Variants in NEGR1 observed in about 807,000 individuals in gnomAD.
The protein encoded by NEGR1 is IgLON family member 4.
A neutral mutation model predicts 40.9 loss-of-function variants in NEGR1; 10 were observed. The ratio of observed to expected loss-of-function variants is 0.24; its 90% CI spans 0.15 to 0.42. The LOEUF is 0.42. Ranked by LOEUF, NEGR1 falls within the 10% of genes least tolerant of loss-of-function variation. The pLI is 1.00. For missense variants in NEGR1, 352 were observed against 438.9 expected (o/e 0.80, Z 1.77); for synonymous variants, 185 against 166.8 (o/e 1.11, Z -0.84).
intron 2 of NEGR1, among the ~76,000 whole-genome samples, chr1:71,819,389 G>C (rs1204232010): frequency 6.6e-6 from 1 of 151,902 alleles, no homozygotes; most frequent in Non-Finnish European, 1.5e-5. Flanking sequence ...AGACCAAATA[G>C]AACAGTAATC....
chr1:71,982,166 A>G (rs1404542543), intron 1 of NEGR1, among the ~76,000 whole-genome samples: 1 of 152,182 alleles, frequency 6.6e-6, no homozygotes, highest in Non-Finnish European at 1.5e-5. Flanking sequence ...TCAAAAAAGG[A>G]AATCTCTCTT....
chr1:71,971,265 A>C (rs1646253987), intron 1 of NEGR1, among the ~76,000 whole-genome samples: 1 of 152,172 alleles, frequency 6.6e-6, no homozygotes, highest in Non-Finnish European at 1.5e-5. Context: ...GAACTTCAAG[A>C]GAACATTTAA....
intron 4 of NEGR1, among the ~76,000 whole-genome samples, chr1:71,683,959 C>G (rs545917457): frequency 6.6e-6 from 1 of 152,184 alleles, no homozygotes; most frequent in African/African-American, 2.4e-5. Flanking sequence ...ACAATGTTTA[C>G]TGTCTGAGGA....
At chr1:71,847,611 T>A (rs1359394357) in intron 2 of NEGR1, among the ~76,000 whole-genome samples, 2 of 152,238 alleles carry the variant, frequency 1.3e-5, no homozygotes, top group African/African-American at 4.8e-5. Context: ...AATCAATAAA[T>A]GTTCTATATG....
intron 1 of NEGR1, among the ~76,000 whole-genome samples, chr1:72,180,272 G>A (rs193266724): frequency 5.3e-5 from 8 of 151,986 alleles, no homozygotes; most frequent in Admixed American, 3.3e-4. Context: ...AGGATATAAA[G>A]TGAATGAAAC....
chr1:72,181,517 A>G (rs1215472504), intron 1 of NEGR1, among the ~76,000 whole-genome samples: 1 of 152,118 alleles, frequency 6.6e-6, no homozygotes, highest in Admixed American at 6.6e-5. Flanking sequence ...CTAAAAATAA[A>G]CAAGCAAACA....
At chr1:71,827,213 G>A (rs1318825156) in intron 2 of NEGR1, among the ~76,000 whole-genome samples, 2 of 151,270 alleles carry the variant, frequency 1.3e-5, no homozygotes, top group Admixed American at 6.6e-5. Context: ...AAAAAAAAGA[G>A]GGAGCAGAGA....
intron 1 of NEGR1, among the ~76,000 whole-genome samples, chr1:72,197,633 A>G (rs1653046247): frequency 6.6e-6 from 1 of 152,050 alleles, no homozygotes; most frequent in South Asian, 2.1e-4. Context: ...GCTTGACAAT[A>G]TATATTTCCA....
chr1:72,078,697 T>C (rs1331754272), intron 1 of NEGR1, among the ~76,000 whole-genome samples: 1 of 150,614 alleles, frequency 6.6e-6, no homozygotes, highest in Non-Finnish European at 1.5e-5. Flanking sequence ...TGGAGTGCAA[T>C]GGCGTGATTT....
At chr1:72,248,677 C>A (rs1054629081) in intron 1 of NEGR1, among the ~76,000 whole-genome samples, 2 of 150,884 alleles carry the variant, frequency 1.3e-5, no homozygotes, top group African/African-American at 4.9e-5. Flanking sequence ...TGGCCCACTG[C>A]AACGTCTGCT....
At chr1:72,134,715 T>A (rs1650386488) in intron 1 of NEGR1, among the ~76,000 whole-genome samples, 1 of 150,898 alleles carries the variant, frequency 6.6e-6, no homozygotes, top group South Asian at 2.1e-4. Context: ...AAGTAAAAGA[T>A]ATTTAATTTA....
intron 6 of NEGR1, among the ~76,000 whole-genome samples, chr1:71,416,739 A>C (rs1300898296): frequency 6.6e-6 from 1 of 152,218 alleles, no homozygotes; most frequent in Non-Finnish European, 1.5e-5. Flanking sequence ...CATACTTTGC[A>C]CATGTGTCAC....
intron 1 of NEGR1, among the ~76,000 whole-genome samples, chr1:72,116,885 G>A (rs1363900522): frequency 6.6e-6 from 1 of 151,574 alleles, no homozygotes; most frequent in Non-Finnish European, 1.5e-5. Context: ...CACTGATTTT[G>A]ATAACAAGAA....
At chr1:72,089,203 AG>A (rs1351448067) in intron 1 of NEGR1, among the ~76,000 whole-genome samples, 1 of 152,116 alleles carries the variant, frequency 6.6e-6, no homozygotes, top group Admixed American at 6.6e-5. Flanking sequence ...AAAAAGCTTG[AG>A]ATGGCCACCT....
At chr1:72,080,946 G>T (rs111933961) in intron 1 of NEGR1, among the ~76,000 whole-genome samples, 70 of 152,200 alleles carry the variant, frequency 4.6e-4, no homozygotes, top group African/African-American at 1.6e-3. Flanking sequence ...ATGAATGAAT[G>T]AATGTGCCTC....
At chr1:72,236,728 C>G (rs1654560434) in intron 1 of NEGR1, among the ~76,000 whole-genome samples, 1 of 151,938 alleles carries the variant, frequency 6.6e-6, no homozygotes, top group African/African-American at 2.4e-5. Flanking sequence ...ACTTGAATGT[C>G]TGAACAAATC....
chr1:72,009,386 G>T (rs114419900), intron 1 of NEGR1, among the ~76,000 whole-genome samples: 2 of 151,984 alleles, frequency 1.3e-5, no homozygotes, highest in Non-Finnish European at 2.9e-5. Context: ...GGAAACTTAC[G>T]CAATATTCTA....
intron 4 of NEGR1, among the ~76,000 whole-genome samples, chr1:71,680,053 T>C (rs998848941): frequency 3.3e-5 from 5 of 152,170 alleles, no homozygotes; most frequent in African/African-American, 1.2e-4. Context: ...GAATCAATTT[T>C]TTAATGAATT....
At chr1:72,204,766 A>T (rs1653335874) in intron 1 of NEGR1, among the ~76,000 whole-genome samples, 1 of 152,172 alleles carries the variant, frequency 6.6e-6, no homozygotes, top group African/African-American at 2.4e-5. Flanking sequence ...TATACAGAAC[A>T]ATTAAGACCT....
Sources: allele counts gnomAD v4.1 joint callset (sites outside exome capture counted in the v4.1 genomes callset), GRCh38; gene constraint gnomAD v4.1.1; transcripts MANE v1.5; gene names NCBI Gene and HGNC (gene_info 2026-07-23, HGNC 2026-07-21).